The following NTNG1 variants were observed in gnomAD, a reference collection of about 807,000 sequenced individuals.
NTNG1 encodes netrin-G1.
Under a neutral mutation model 54.0 loss-of-function variants are expected in NTNG1, and 16 were observed. That is an observed-to-expected ratio of 0.30 (90% CI 0.20 to 0.45). The LOEUF is 0.45. Among genes scored for constraint, NTNG1 ranks in the 20% least tolerant of loss-of-function variants. The probability of loss-of-function intolerance (pLI) is 1.00; values close to 1 mark genes in which losing one functional copy is unlikely to be tolerated. For synonymous variants in NTNG1, 255 were observed against 263.1 expected (o/e 0.97, Z 0.30); for missense variants, 530 against 678.7 (o/e 0.78, Z 2.43).
At position 107,213,653 on chromosome 1, in the gene NTNG1, T is replaced by C. The variant is rs767409234; in HGVS notation, c.246+64814T>C. On this transcript the variant is annotated intron_variant, in intron 2 of 7. Coordinates refer to ENST00000370068, the MANE Select transcript of NTNG1 (RefSeq NM_001113226.3). ...TCCTGGGGCAGAGTCAGAAATACTT[T>C]TGTATTCAAGATTCTGAACCATTAT... 5.9e-5 allele frequency among the ~76,000 whole-genome samples: 9 copies of C among 152,140 alleles called. No homozygotes were observed. The South Asian group carries it at 6.2e-4, about 11-fold the overall frequency.
At chr1:107,325,071 C>A in intron 3 of NTNG1, 149 bp downstream of exon 3, 1 of 737,260 alleles carries the variant, frequency 1.4e-6, no homozygotes, top group Non-Finnish European at 2.2e-6. Context: ...TGAAGGCATT[C>A]TGAGATCCCT....
At chr1:107,232,409 A>G (rs926868139) in intron 2 of NTNG1, among the ~76,000 whole-genome samples, 5 of 152,158 alleles carry the variant, frequency 3.3e-5, no homozygotes, top group East Asian at 1.9e-4. Flanking sequence ...TGTGCCTTCC[A>G]TGGTTTCTCC....
chr1:107,308,409 G>C (rs1666812016), intron 2 of NTNG1, among the ~76,000 whole-genome samples: 1 of 152,098 alleles, frequency 6.6e-6, no homozygotes, highest in Admixed American at 6.6e-5. Flanking sequence ...TCAATAGGGA[G>C]TCCTTTCCCC....
chr1:107,208,994 C>G (rs149150726), intron 2 of NTNG1, among the ~76,000 whole-genome samples: 313 of 152,218 alleles, frequency 2.1e-3, no homozygotes, highest in African/African-American at 6.8e-3. Context: ...ATTATCCAAA[C>G]AAATACAGCT....
intron 2 of NTNG1, among the ~76,000 whole-genome samples, chr1:107,275,115 A>C (rs1322548970): frequency 6.6e-6 from 1 of 152,172 alleles, no homozygotes; most frequent in Non-Finnish European, 1.5e-5. Context: ...GGTGGCTCAC[A>C]CCAGTAATCC....
At chr1:107,434,800 T>C (rs774443163) in intron 6 of NTNG1, among the ~76,000 whole-genome samples, 3 of 152,116 alleles carry the variant, frequency 2.0e-5, no homozygotes, top group Non-Finnish European at 4.4e-5. Context: ...TAAAATATGA[T>C]CCTCCAAGAC....
At chr1:107,172,361 A>T (rs1656314838) in intron 2 of NTNG1, among the ~76,000 whole-genome samples, 1 of 152,200 alleles carries the variant, frequency 6.6e-6, no homozygotes, top group African/African-American at 2.4e-5. Flanking sequence ...CATATCAGGC[A>T]CTATTGTAAG....
At chr1:107,197,388 T>A (rs1191616130) in intron 2 of NTNG1, among the ~76,000 whole-genome samples, 4 of 152,070 alleles carry the variant, frequency 2.6e-5, no homozygotes, top group African/African-American at 9.7e-5. Flanking sequence ...TACTTTGGAA[T>A]TTTGTTCTTT....
At chr1:107,313,913 G>T (rs767373732) in intron 2 of NTNG1, among the ~76,000 whole-genome samples, 6 of 152,004 alleles carry the variant, frequency 3.9e-5, no homozygotes, top group Admixed American at 1.3e-4. Context: ...TATACCATTT[G>T]TTTATCTTTT....
At chr1:107,279,849 G>T (rs976531776) in intron 2 of NTNG1, among the ~76,000 whole-genome samples, 1 of 151,990 alleles carries the variant, frequency 6.6e-6, no homozygotes, top group African/African-American at 2.4e-5. Flanking sequence ...CGAGTGCAGG[G>T]GTGTGAACAT....
At chr1:107,300,165 G>A (rs953325921) in intron 2 of NTNG1, among the ~76,000 whole-genome samples, 2 of 152,066 alleles carry the variant, frequency 1.3e-5, no homozygotes, top group Non-Finnish European at 2.9e-5. Context: ...ATAATTAAAC[G>A]CACGTACTGA....
intron 2 of NTNG1, among the ~76,000 whole-genome samples, chr1:107,166,442 C>CT (rs1472086522): frequency 1.3e-5 from 2 of 152,068 alleles, no homozygotes; most frequent in African/African-American, 4.8e-5. Flanking sequence ...TATAAGCAAT[C>CT]TTTAAATGCA....
chr1:107,349,812 C>A (rs1669494578), intron 3 of NTNG1, among the ~76,000 whole-genome samples: 1 of 152,032 alleles, frequency 6.6e-6, no homozygotes, highest in Admixed American at 6.6e-5. Context: ...TGTGACTATA[C>A]CACAGTTTAT....
chr1:107,339,993 G>A (rs940672788), intron 3 of NTNG1, among the ~76,000 whole-genome samples: 3 of 152,002 alleles, frequency 2.0e-5, no homozygotes, highest in Non-Finnish European at 2.9e-5. Flanking sequence ...AGGGTACTGT[G>A]GCAACAGCAG....
At chr1:107,199,720 C>T (rs1658591636) in intron 2 of NTNG1, among the ~76,000 whole-genome samples, 1 of 151,866 alleles carries the variant, frequency 6.6e-6, no homozygotes, top group Non-Finnish European at 1.5e-5. Context: ...ACACAGTCCT[C>T]CTCTCGCGTA....
At chr1:107,412,201 A>G (rs1368954142) in intron 5 of NTNG1, among the ~76,000 whole-genome samples, 1 of 152,088 alleles carries the variant, frequency 6.6e-6, no homozygotes, top group Non-Finnish European at 1.5e-5. Context: ...AAGATCTCCA[A>G]AAGGTTTCAT....
At chr1:107,294,640 T>C (rs1665833055) in intron 2 of NTNG1, among the ~76,000 whole-genome samples, 1 of 152,186 alleles carries the variant, frequency 6.6e-6, no homozygotes. Flanking sequence ...AATATGGTAG[T>C]TGATGAAGAT....
Position 107,268,486 on chromosome 1 carries a change from A to AT in NTNG1, c.247-55781dup, listed in dbSNP as rs55816322. On this transcript the variant is annotated intron_variant, in intron 2 of 7. Coordinates refer to ENST00000370068, the MANE Select transcript of NTNG1 (RefSeq NM_001113226.3). The stretch of plus-strand genomic sequence containing the variant: ...CCTGATCTTGGCTGTCTCTCATCAT[A>AT]TTTTTTTTTTTTTTTGGCTTTTCTT... Among the ~76,000 whole-genome samples, 762 of 138,826 alleles carry AT rather than the reference A, an allele frequency of 5.5e-3. 11 individuals are homozygous for AT. The East Asian group carries it at 0.061, about 11-fold the overall frequency. The allele number at this position is 138,826 out of a possible 152,430, so 91.1% of individuals were successfully genotyped here. A position where few individuals can be genotyped will look rare whatever the true frequency, so the allele number is the denominator to read the frequency against.
rs1261714656 is a variant in NTNG1, at chr1:107,361,389, A to AT, written c.888-33764dup. 9.0e-3 allele frequency among the ~76,000 whole-genome samples: 674 copies of AT among 74,568 alleles called. 6 individuals carry two copies. The highest frequency in any genetic ancestry group is 0.033 in the South Asian group (71 of 2,134). The allele number at this position is 74,568 out of a possible 152,430, so 48.9% of individuals were successfully genotyped here. A position where few individuals can be genotyped will look rare whatever the true frequency, so the allele number is the denominator to read the frequency against. ...TATATATATACATATATATATATAT[A>AT]TATTTTTTTTTTTTTTTGAGACACA... On this transcript the variant is annotated intron_variant, in intron 3 of 7. Transcript: ENST00000370068.
Sources: allele counts gnomAD v4.1 joint callset (sites outside exome capture counted in the v4.1 genomes callset), GRCh38; gene constraint gnomAD v4.1.1; transcripts MANE v1.5; gene names NCBI Gene and HGNC (gene_info 2026-07-23, HGNC 2026-07-21).